The following PYHIN1 variants were observed in gnomAD, a reference collection of about 807,000 sequenced individuals.
PYHIN1 encodes pyrin and HIN domain family member 1.
Under a neutral mutation model 43.7 loss-of-function variants are expected in PYHIN1, and 32 were observed. That is an observed-to-expected ratio of 0.73 (90% confidence interval 0.55 to 0.98). The LOEUF (loss-of-function observed/expected upper bound fraction) is 0.98. Ranked by LOEUF, PYHIN1 falls within the 50% of genes least tolerant of loss-of-function variation. The probability of loss-of-function intolerance (pLI) is 0.00; values close to 1 mark genes in which losing one functional copy is unlikely to be tolerated. For missense variants in PYHIN1, 588 were observed against 589.5 expected, an observed-to-expected ratio of 1.00 and a Z score of 0.03; for synonymous variants, 205 against 203.1, an observed-to-expected ratio of 1.01 and a Z score of -0.08.
At chr1:158,951,427 G>A (rs61566578) in intron 7 of PYHIN1, among the ~76,000 whole-genome samples, 1,589 of 152,290 alleles carry the variant, frequency 0.01, 37 homozygotes, top group African/African-American at 0.037. Context: ...TCAAGGTTCT[G>A]CAATAAATAG....
At chr1:158,981,523 C>T (rs186101126), downstream of PYHIN1, among the ~76,000 whole-genome samples, 2 of 152,124 alleles carry the variant, frequency 1.3e-5, no homozygotes, top group East Asian at 1.9e-4. Context: ...TATACAAGCA[C>T]GTATCTTTTA....
At position 158,943,657 on chromosome 1, in the gene PYHIN1, A is replaced by G. The variant is rs1036695462; in HGVS notation, c.1003-133A>G. 7.2e-6 allele frequency: 4 copies of G among 551,948 alleles called. No homozygotes were observed. The African/African-American group carries it at 7.5e-5, about 10-fold the overall frequency. 34.2% of individuals were successfully genotyped at this position (551,948 alleles called of 1,614,324 possible). ...TCTGTGAGATGGTCTAGACTAAGGC[A>G]TATGTATTGTATGTCGATACAGTAC... On this transcript the variant is annotated intron_variant, in intron 5 of 8. Transcript: ENST00000368140.
intron 7 of PYHIN1, among the ~76,000 whole-genome samples, chr1:158,948,587 G>A (rs925041394): frequency 2.6e-5 from 4 of 152,192 alleles, no homozygotes; most frequent in Non-Finnish European, 4.4e-5. Context: ...CTTGCTGTAA[G>A]AGAAGTTTAT....
intron 1 of PYHIN1, among the ~76,000 whole-genome samples, chr1:158,935,109 C>T (rs936702542): frequency 1.8e-4 from 28 of 152,210 alleles, no homozygotes; most frequent in African/African-American, 6.5e-4. Flanking sequence ...TCCATAAGGG[C>T]ACTCTGAAAA....
chr1:158,937,293 C>G, intron 2 of PYHIN1, 118 bp downstream of exon 2: 1 of 1,132,434 alleles, frequency 8.8e-7, no homozygotes, highest in Non-Finnish European at 1.2e-6. Flanking sequence ...GACTCACTGG[C>G]CATGGCAATG....
chr1:158,955,564 G>C (rs1649867237), intron 7 of PYHIN1, among the ~76,000 whole-genome samples: 1 of 149,834 alleles, frequency 6.7e-6, no homozygotes, highest in Non-Finnish European at 1.5e-5. Context: ...CGAGAACAAA[G>C]ACACAACATA....
the PYHIN1 span, among the ~76,000 whole-genome samples, chr1:158,989,383 C>G: frequency 1.3e-5 from 2 of 152,128 alleles, no homozygotes; most frequent in African/African-American, 4.8e-5. Flanking sequence ...TGTAACCTCC[C>G]AAAGTTTGTG....
intron 7 of PYHIN1, among the ~76,000 whole-genome samples, chr1:158,969,900 C>A (rs1211175019): frequency 6.6e-6 from 1 of 151,902 alleles, no homozygotes; most frequent in Non-Finnish European, 1.5e-5. Context: ...TCTCCATGGC[C>A]ACCTACACCT....
chr1:158,968,829 C>T (rs1467241387), intron 7 of PYHIN1, among the ~76,000 whole-genome samples: 1 of 148,608 alleles, frequency 6.7e-6, no homozygotes, highest in Non-Finnish European at 1.5e-5. Flanking sequence ...TTCTTATAAA[C>T]AGAGCTAAAC....
At chr1:158,976,417 G>A (rs1375959679) in intron 8 of PYHIN1, among the ~76,000 whole-genome samples, 1 of 152,016 alleles carries the variant, frequency 6.6e-6, no homozygotes, top group African/African-American at 2.4e-5. Context: ...GGACACACCA[G>A]CTCCTTTCTC....
rs1648314317 is a variant in PYHIN1 at position 158,933,719 on chromosome 1, T to C, written c.-21+1943T>C. On this transcript the variant is annotated intron_variant, in intron 1 of 8. Coordinates refer to ENST00000368140, the MANE Select transcript of PYHIN1 (RefSeq NM_152501.5). This position sits in a 1 kb window ranked among gnomAD's most constrained non-coding sequence, Gnocchi z 6.3. ...TCTGTTTTTAAAACTTATATTTCCA[T>C]CTCACCCTTTAAGACAATTACATTA... 6.6e-6 allele frequency among the ~76,000 whole-genome samples: 1 copy of C among 152,222 alleles called. No individual in the cohort carries two copies. The highest frequency in any genetic ancestry group is 6.5e-5 in the Admixed American group (1 of 15,282).
At chr1:158,953,547 G>C (rs1357790315) in intron 7 of PYHIN1, among the ~76,000 whole-genome samples, 1 of 151,124 alleles carries the variant, frequency 6.6e-6, no homozygotes, top group African/African-American at 2.4e-5. Context: ...GGTCCTGTCT[G>C]TTAGAAGGAA....
downstream of PYHIN1, among the ~76,000 whole-genome samples, chr1:158,981,830 A>C (rs981045101): frequency 1.3e-5 from 2 of 152,124 alleles, no homozygotes; most frequent in African/African-American, 4.8e-5. Context: ...TTTTAATAGC[A>C]GCTATTCTGA....
intron 8 of PYHIN1, among the ~76,000 whole-genome samples, chr1:158,975,163 T>G (rs1169352545): frequency 6.6e-6 from 1 of 152,026 alleles, no homozygotes; most frequent in Non-Finnish European, 1.5e-5. Flanking sequence ...ATACATCCTG[T>G]TACTTCCTCT....
chr1:158,934,272 T>C (rs2101637887), intron 1 of PYHIN1, among the ~76,000 whole-genome samples: 1 of 152,328 alleles, frequency 6.6e-6, no homozygotes, highest in South Asian at 2.1e-4. Context: ...TAAATAAAAA[T>C]CATACATAGC....
rs145640162 is a variant in PYHIN1 at position 158,976,868 on chromosome 1, C to CTATATATA, written c.*214_*221dup. ...TATGTATATATATCTGGTTGAAATA[C>CTATATATA]TATATATATATATATATATATATAT... is the stretch of plus-strand genomic sequence containing the variant. On this transcript the variant is annotated 3_prime_UTR_variant, in exon 9 of 9. Transcript: ENST00000368140. 13 of 221,538 alleles carry CTATATATA rather than the reference C, an allele frequency of 5.9e-5. No homozygotes were observed. The highest frequency in any genetic ancestry group is 2.9e-4 in the African/African-American group (10 of 34,390). 13.7% of individuals were successfully genotyped at this position (221,538 alleles called of 1,614,324 possible). A position where few individuals can be genotyped will look rare whatever the true frequency, so the allele number is the denominator to read the frequency against.
intron 1 of PYHIN1, among the ~76,000 whole-genome samples, chr1:158,934,574 A>G (rs1295314653): frequency 4.6e-5 from 7 of 152,052 alleles, no homozygotes; most frequent in Admixed American, 3.9e-4. Context: ...ATGTCTTTGT[A>G]TATATTTTTT....
At chr1:158,939,404 CAT>C in intron 4 of PYHIN1, 157 bp downstream of exon 4, 1 of 1,566,926 alleles carries the variant, frequency 6.4e-7, no homozygotes. Flanking sequence ...CTTCCACAGG[CAT>C]ATTTGATGAA....
At chr1:158,979,071 G>T (rs573098400), downstream of PYHIN1, among the ~76,000 whole-genome samples, 3 of 152,278 alleles carry the variant, frequency 2.0e-5, no homozygotes, top group East Asian at 5.8e-4. Context: ...AAATGATTAT[G>T]ATTGGAAGAG....
Sources: gnomAD v4.1 joint callset for allele counts (sites outside exome capture counted in the v4.1 genomes callset) on GRCh38, gnomAD v4.1.1 for gene constraint, Gnocchi (gnomAD v3.1) non-coding constraint, MANE v1.5 for transcripts, NCBI Gene and HGNC (gene_info 2026-07-23, HGNC 2026-07-21) for gene names.